COL5A2: variants seen among roughly 807,000 people sequenced by gnomAD.
The protein encoded by COL5A2 is collagen alpha-2(V) chain.
A neutral mutation model predicts 208.2 loss-of-function variants in COL5A2; 23 were observed. That is an observed-to-expected ratio of 0.11 (90% CI 0.08 to 0.16). The LOEUF (loss-of-function observed/expected upper bound fraction) is 0.16. Ranked by LOEUF, COL5A2 falls within the 10% of genes least tolerant of loss-of-function variation. The pLI, the probability that COL5A2 is intolerant of heterozygous loss-of-function variation, is 1.00. For missense variants in COL5A2, 1,590 were observed against 1,956.4 expected (o/e 0.81, Z 3.53); for synonymous variants, 625 against 628.5 (o/e 0.99, Z 0.08).
At chr2:189,330,751 G>C in the COL5A2 span, among the ~76,000 whole-genome samples, 1 of 152,324 alleles carries the variant, frequency 6.6e-6, no homozygotes, top group East Asian at 1.9e-4. Context: ...AGCTGCAACA[G>C]AGCACAGGCT....
chr2:189,154,707 C>T (rs998173046), intron 1 of COL5A2, among the ~76,000 whole-genome samples: 3 of 151,894 alleles, frequency 2.0e-5, no homozygotes, highest in Admixed American at 2.0e-4. Context: ...AGCAATCTTC[C>T]CACCTCGGCC....
chr2:189,085,635 G>T, intron 10 of COL5A2, 84 bp downstream of exon 10: 1 of 1,171,108 alleles, frequency 8.5e-7, no homozygotes, highest in Non-Finnish European at 1.3e-6. Context: ...GGGAGGACCT[G>T]GGAAGATAAA....
chr2:189,083,068 A>AT (rs1686571527), intron 12 of COL5A2, among the ~76,000 whole-genome samples: 1 of 152,178 alleles, frequency 6.6e-6, no homozygotes, highest in African/African-American at 2.4e-5. Flanking sequence ...ACAGAAAGTA[A>AT]TGTGGTACTG....
At chr2:189,438,331 C>T in the COL5A2 span, among the ~76,000 whole-genome samples, 1 of 152,122 alleles carries the variant, frequency 6.6e-6, no homozygotes, top group Non-Finnish European at 1.5e-5. Flanking sequence ...AATAAACATA[C>T]ACTTATGATT....
At chr2:189,178,709 T>TA (rs11296800) in intron 1 of COL5A2, among the ~76,000 whole-genome samples, 20,388 of 117,940 alleles carry the variant, frequency 0.17, 2,372 homozygotes, top group African/African-American at 0.35. Flanking sequence ...GATTTATCTT[T>TA]AAAAAAAAAA....
chr2:189,318,092 T>C, the COL5A2 span, among the ~76,000 whole-genome samples: 4 of 152,298 alleles, frequency 2.6e-5, no homozygotes, highest in South Asian at 8.3e-4. Context: ...AACCAAGATA[T>C]TATCGTGCTG....
the COL5A2 span, among the ~76,000 whole-genome samples, chr2:189,322,863 C>A: frequency 5.3e-5 from 8 of 152,110 alleles, no homozygotes; most frequent in African/African-American, 1.9e-4. Context: ...CTGGCAGAGG[C>A]ACAACAAAAA....
chr2:189,212,570 C>T (rs1305989555), intron 1 of COL5A2, among the ~76,000 whole-genome samples: 1 of 150,364 alleles, frequency 6.7e-6, no homozygotes, highest in East Asian at 2.0e-4. Context: ...ACCCAGGAGG[C>T]AGAGGTTGCA....
chr2:189,288,910 T>A, the COL5A2 span, among the ~76,000 whole-genome samples: 1 of 151,970 alleles, frequency 6.6e-6, no homozygotes, highest in Admixed American at 6.6e-5. Context: ...AAAATGAAGA[T>A]CAATAAATGT....
At chr2:189,073,102 T>C (rs1317843182) in intron 17 of COL5A2, among the ~76,000 whole-genome samples, 1 of 152,190 alleles carries the variant, frequency 6.6e-6, no homozygotes, top group Non-Finnish European at 1.5e-5. Flanking sequence ...TCTATAATTA[T>C]ACTTTACTTT....
At chr2:189,088,521 G>A (rs911822612) in intron 8 of COL5A2, among the ~76,000 whole-genome samples, 174 bp downstream of exon 8, 1 of 151,474 alleles carries the variant, frequency 6.6e-6, no homozygotes, top group Non-Finnish European at 1.5e-5. Flanking sequence ...AACACACTGG[G>A]CTTTTAACTG....
At chr2:189,366,590 C>A in the COL5A2 span, among the ~76,000 whole-genome samples, 1 of 152,250 alleles carries the variant, frequency 6.6e-6, no homozygotes, top group African/African-American at 2.4e-5. Flanking sequence ...AAGCACCAGG[C>A]ATAGATCCCC....
chr2:189,398,445 C>G, the COL5A2 span, among the ~76,000 whole-genome samples: 1 of 152,124 alleles, frequency 6.6e-6, no homozygotes, highest in South Asian at 2.1e-4. Context: ...GAAGCTATTC[C>G]ATTTGATACA....
At chr2:189,415,416 T>A in the COL5A2 span, among the ~76,000 whole-genome samples, 2 of 152,216 alleles carry the variant, frequency 1.3e-5, no homozygotes, top group Non-Finnish European at 2.9e-5. Flanking sequence ...GTCTTTTTTT[T>A]AATATTCCAT....
In COL5A2 at chr2:189,045,206, A is replaced by T. The variant is rs773532298; in HGVS notation, c.3336T>A (p.Pro1112=). 1.2e-6 allele frequency: 2 copies of T among 1,608,812 alleles called. No homozygotes were observed. The highest frequency in any genetic ancestry group is 1.7e-6 in the Non-Finnish European group (2 of 1,177,922). The part of the protein sequence containing the change: ...DPGSRGPIGP[P]GRAGKRGLPG... Reference sequence around the variant, plus strand: ...GTAATCCACGTTTCCCAGCTCGACCAGGTGGTCCTATAGGACCCCGAGAAC... The same window carrying T: ...GTAATCCACGTTTCCCAGCTCGACCTGGTGGTCCTATAGGACCCCGAGAAC... The change falls in exon 47 of 54, where the codon CCT becomes CCA. Residue 1112 remains proline, a synonymous_variant. Transcript: ENST00000374866.
At chr2:189,246,038 C>T in the COL5A2 span, among the ~76,000 whole-genome samples, 2 of 152,188 alleles carry the variant, frequency 1.3e-5, no homozygotes, top group East Asian at 3.9e-4. Flanking sequence ...TACTTAGGCA[C>T]CATTGCAAAT....
intron 1 of COL5A2, among the ~76,000 whole-genome samples, chr2:189,139,899 C>T (rs1312541648): frequency 1.3e-5 from 2 of 151,682 alleles, no homozygotes; most frequent in Non-Finnish European, 2.9e-5. Context: ...ATGGTGGCAC[C>T]CCGTCTCTAC....
the COL5A2 span, among the ~76,000 whole-genome samples, chr2:189,355,408 G>C: frequency 6.6e-6 from 1 of 152,032 alleles, no homozygotes; most frequent in Non-Finnish European, 1.5e-5. Flanking sequence ...TTATTTTGTG[G>C]GAGTCTAAGT....
intron 16 of COL5A2, 119 bp downstream of exon 16, chr2:189,078,395 GAA>G (rs5837122): frequency 0.056 from 27,052 of 484,790 alleles, 11 homozygotes; most frequent in East Asian, 0.09. Context: ...AAAAGAAAAA[GAA>G]AAAAAAAAAA....
Sources: allele counts gnomAD v4.1 joint callset (sites outside exome capture counted in the v4.1 genomes callset), GRCh38; gene constraint gnomAD v4.1.1; transcripts MANE v1.5; gene names NCBI Gene and HGNC (gene_info 2026-07-23, HGNC 2026-07-21).